Variants in CCDC192 observed in about 807,000 individuals in gnomAD.
CCDC192 encodes the protein coiled-coil domain-containing protein 192.
At chr5:127,829,356 T>A (rs1178792826) in intron 5 of CCDC192, among the ~76,000 whole-genome samples, 2 of 141,176 alleles carry the variant, frequency 1.4e-5, no homozygotes, top group Admixed American at 1.5e-4. Flanking sequence ...CTCTTTTATA[T>A]GTTTTCCTAG....
chr5:127,744,166 G>A (rs573287825), intron 2 of CCDC192, among the ~76,000 whole-genome samples: 1 of 150,514 alleles, frequency 6.6e-6, no homozygotes, highest in Non-Finnish European at 1.5e-5. Context: ...TGAGAATGAT[G>A]AAATTACCAC....
At chr5:127,918,846 T>C (rs1459023652) in intron 6 of CCDC192, among the ~76,000 whole-genome samples, 3 of 136,302 alleles carry the variant, frequency 2.2e-5, no homozygotes, top group Non-Finnish European at 4.5e-5. Context: ...TGTGTGCATA[T>C]ATGTATGTGC....
At chr5:127,939,437 A>G (rs1283993837) in intron 6 of CCDC192, among the ~76,000 whole-genome samples, 1 of 152,172 alleles carries the variant, frequency 6.6e-6, no homozygotes, top group Non-Finnish European at 1.5e-5. Flanking sequence ...CATCTTAAAT[A>G]TTATTGTTAT....
intron 6 of CCDC192, among the ~76,000 whole-genome samples, chr5:127,933,144 G>A (rs558581388): frequency 1.3e-5 from 2 of 152,292 alleles, no homozygotes; most frequent in South Asian, 4.1e-4. Context: ...CTGGAGAGGA[G>A]GAAGGAGGAA....
intron 2 of CCDC192, among the ~76,000 whole-genome samples, chr5:127,736,330 C>T (rs1373398920): frequency 2.7e-5 from 4 of 145,506 alleles, no homozygotes; most frequent in Non-Finnish European, 3.0e-5. Context: ...ATTCGTTTTG[C>T]CAGTATTTTA....
chr5:127,911,297 G>A (rs1172525758), intron 6 of CCDC192, among the ~76,000 whole-genome samples: 9 of 152,212 alleles, frequency 5.9e-5, no homozygotes, highest in Admixed American at 2.6e-4. Context: ...CCAGAGTGAG[G>A]AACAGACATG....
chr5:127,832,530 G>T (rs1749849829), intron 5 of CCDC192, among the ~76,000 whole-genome samples: 1 of 152,046 alleles, frequency 6.6e-6, no homozygotes, highest in Admixed American at 6.5e-5. Flanking sequence ...AAAAGAATCA[G>T]TGGAAAAAAA....
intron 4 of CCDC192, 116 bp downstream of exon 4, chr5:127,797,350 G>T: frequency 2.7e-6 from 1 of 374,448 alleles, no homozygotes; most frequent in East Asian, 3.8e-5. Context: ...AGTTCATAAT[G>T]GTAAATAACA....
At chr5:127,852,666 GGA>G (rs552361539) in intron 5 of CCDC192, among the ~76,000 whole-genome samples, 2 of 152,140 alleles carry the variant, frequency 1.3e-5, no homozygotes, top group East Asian at 1.9e-4. Flanking sequence ...ATAACAGGAG[GGA>G]GAGACACTTT....
At chr5:127,872,899 T>C (rs1307010702) in intron 5 of CCDC192, among the ~76,000 whole-genome samples, 6 of 152,148 alleles carry the variant, frequency 3.9e-5, no homozygotes, top group Non-Finnish European at 7.3e-5. Flanking sequence ...TACAAATATA[T>C]AATAGTAAGA....
intron 6 of CCDC192, among the ~76,000 whole-genome samples, chr5:127,925,182 A>C (rs1202777866): frequency 6.6e-6 from 1 of 152,236 alleles, no homozygotes; most frequent in Non-Finnish European, 1.5e-5. Context: ...GTTCTCAAGG[A>C]ATATAACTTA....
chr5:127,794,115 C>T (rs1262543711), intron 3 of CCDC192, among the ~76,000 whole-genome samples: 1 of 152,176 alleles, frequency 6.6e-6, no homozygotes, highest in Non-Finnish European at 1.5e-5. Flanking sequence ...CAATTCTGTG[C>T]AGTGTGAGTA....
At chr5:127,847,910 C>T (rs554123942) in intron 5 of CCDC192, among the ~76,000 whole-genome samples, 1 of 152,150 alleles carries the variant, frequency 6.6e-6, no homozygotes, top group South Asian at 2.1e-4. Context: ...GATTCTACTG[C>T]CTCAGCTTCC....
intron 2 of CCDC192, among the ~76,000 whole-genome samples, chr5:127,735,003 A>G (rs1580555459): frequency 7.2e-6 from 1 of 139,108 alleles, no homozygotes; most frequent in East Asian, 2.1e-4. Flanking sequence ...GTCCTTGCCC[A>G]TGCCTATGTC....
chr5:127,936,007 G>A (rs368307822), intron 6 of CCDC192, among the ~76,000 whole-genome samples: 1 of 152,200 alleles, frequency 6.6e-6, no homozygotes, highest in East Asian at 1.9e-4. Flanking sequence ...AAGAGGCTGA[G>A]GCAGGAGAAT....
intron 6 of CCDC192, among the ~76,000 whole-genome samples, chr5:127,936,459 G>T (rs1272700538): frequency 6.6e-6 from 1 of 152,170 alleles, no homozygotes; most frequent in Non-Finnish European, 1.5e-5. Context: ...TGCTGGGACT[G>T]CCTCTCCTCT....
intron 2 of CCDC192, among the ~76,000 whole-genome samples, chr5:127,714,271 T>C (rs1446188764): frequency 6.6e-6 from 1 of 152,210 alleles, no homozygotes; most frequent in East Asian, 1.9e-4. Flanking sequence ...AGTTCATATC[T>C]TTGCTATTGT....
At chr5:127,899,721 C>A (rs935010175) in intron 6 of CCDC192, among the ~76,000 whole-genome samples, 2 of 152,238 alleles carry the variant, frequency 1.3e-5, no homozygotes, top group Non-Finnish European at 1.5e-5. Flanking sequence ...TCTTGCAGGA[C>A]CAGACTCACA....
chr5:127,931,061 T>C (rs1206142576), intron 6 of CCDC192, among the ~76,000 whole-genome samples: 1 of 152,234 alleles, frequency 6.6e-6, no homozygotes, highest in Non-Finnish European at 1.5e-5. Context: ...AATAAGGGCC[T>C]GGATTCAGAT....
Sources: allele counts gnomAD v4.1 joint callset (sites outside exome capture counted in the v4.1 genomes callset), GRCh38; gene constraint gnomAD v4.1.1; transcripts MANE v1.5; gene names NCBI Gene and HGNC (gene_info 2026-07-23, HGNC 2026-07-21).